Variants in CORIN observed in about 807,000 individuals in gnomAD.
The protein encoded by CORIN is atrial natriuretic peptide-converting enzyme.
A neutral mutation model predicts 125.3 loss-of-function variants in CORIN; 117 were observed. That is an observed-to-expected ratio of 0.93 (90% CI 0.80 to 1.09). The LOEUF is 1.09. CORIN is among the 50% of genes least tolerant of loss of function. The probability of loss-of-function intolerance (pLI) is 0.00; values close to 1 mark genes in which losing one functional copy is unlikely to be tolerated. For missense variants in CORIN, 1,253 were observed against 1,306.7 expected, an observed-to-expected ratio of 0.96 and a Z score of 0.63; for synonymous variants, 450 against 466.4, an observed-to-expected ratio of 0.96 and a Z score of 0.45.
intron 3 of CORIN, among the ~76,000 whole-genome samples, chr4:47,773,862 G>C (rs571680154): frequency 6.6e-6 from 1 of 151,112 alleles, no homozygotes; most frequent in Admixed American, 6.6e-5. Context: ...AAGATAAAAG[G>C]TATATTTATC....
At chr4:47,771,336 T>A (rs949637985) in intron 3 of CORIN, among the ~76,000 whole-genome samples, 2 of 152,120 alleles carry the variant, frequency 1.3e-5, no homozygotes, top group African/African-American at 4.8e-5. Flanking sequence ...AAAATCAATT[T>A]GAAAGGATAT....
At position 47,802,357 on chromosome 4, in the gene CORIN, G is replaced by T. The variant is rs115757156; in HGVS notation, c.208+4546C>A. Among the ~76,000 whole-genome samples the T allele has an allele frequency of 6.7e-3, 1,025 of 152,260 alleles. 13 individuals are homozygous for T. Among genetic ancestry groups the T allele is most frequent in the African/African-American group, 0.022 (921 of 41,550 alleles). On this transcript the variant is annotated intron_variant, in intron 2 of 21. Transcript: ENST00000273857. ...GCTCTTGGTTAGCATTTCTGGACCT[G>T]CCCTGGGCCAGAGAGGAGTCCACTG...
chr4:47,618,832 G>T (rs888786461), intron 19 of CORIN, among the ~76,000 whole-genome samples: 1 of 149,480 alleles, frequency 6.7e-6, no homozygotes, highest in Non-Finnish European at 1.5e-5. Flanking sequence ...AAAAAAAAAA[G>T]AAAGAAAAAG....
chr4:47,643,146 C>T lies in CORIN; in HGVS notation c.2068G>A (p.Val690Met). The change falls in exon 15 of 22, where the codon GTG becomes ATG. Residue 690 changes from valine to methionine, a missense_variant and splice_region_variant. Transcript: ENST00000273857. ...CSDSSDEWDC[V>M]TLSINVNSSS... Reference sequence around the variant, plus strand: ...CAGATGGCAGAAACAAGTAGCTCACCACAGTCCCATTCATCTGAACTGTCT... The same window carrying T: ...CAGATGGCAGAAACAAGTAGCTCACTACAGTCCCATTCATCTGAACTGTCT... 1 of 1,614,086 alleles carries T rather than the reference C, an allele frequency of 6.2e-7. No individual in the cohort carries two copies. Among genetic ancestry groups the T allele is most frequent in the Non-Finnish European group, 8.5e-7 (1 of 1,179,978 alleles).
At chr4:47,627,454 A>G (rs1199494103) in intron 16 of CORIN, among the ~76,000 whole-genome samples, 5 of 152,254 alleles carry the variant, frequency 3.3e-5, no homozygotes, top group Non-Finnish European at 7.3e-5. Context: ...TGAATGAATT[A>G]TAAACATTTG....
intron 5 of CORIN, among the ~76,000 whole-genome samples, chr4:47,695,219 A>G (rs1188954429): frequency 6.6e-6 from 1 of 152,210 alleles, no homozygotes; most frequent in Non-Finnish European, 1.5e-5. Context: ...TCTGTACAAT[A>G]TCCTCTCTCT....
intron 17 of CORIN, among the ~76,000 whole-genome samples, chr4:47,624,887 A>G (rs993472412): frequency 3.9e-5 from 6 of 152,090 alleles, no homozygotes; most frequent in African/African-American, 1.4e-4. Flanking sequence ...TTGAAAAAAA[A>G]AAATGCAACC....
At chr4:47,780,372 T>C (rs968700556) in intron 3 of CORIN, among the ~76,000 whole-genome samples, 2 of 152,000 alleles carry the variant, frequency 1.3e-5, no homozygotes, top group African/African-American at 4.8e-5. Flanking sequence ...AAATAAAAAC[T>C]TCAATTACAA....
chr4:47,812,612 T>C (rs915871815), intron 1 of CORIN, among the ~76,000 whole-genome samples: 2 of 152,206 alleles, frequency 1.3e-5, no homozygotes, highest in Admixed American at 6.5e-5. Flanking sequence ...TCATAGACTA[T>C]AGGAACCAAC....
At chr4:47,679,906 A>T (rs1335936282) in intron 8 of CORIN, 2 of 389,270 alleles carry the variant, frequency 5.1e-6, no homozygotes, top group South Asian at 3.7e-5. Flanking sequence ...ACTTGGCTAG[A>T]TCAGCCAAAT....
chr4:47,718,052 C>T (rs185569334), intron 5 of CORIN, among the ~76,000 whole-genome samples: 5 of 152,288 alleles, frequency 3.3e-5, no homozygotes, highest in Non-Finnish European at 1.5e-5. Flanking sequence ...ATACAAGTCA[C>T]CAGAGTTCTT....
At chr4:47,667,553 G>A (rs1724535695) in intron 10 of CORIN, among the ~76,000 whole-genome samples, 1 of 152,128 alleles carries the variant, frequency 6.6e-6, no homozygotes, top group Non-Finnish European at 1.5e-5. Context: ...AAATAGATTT[G>A]CAATAAGGAC....
chr4:47,603,426 A>T lies in CORIN; in HGVS notation c.2783T>A (p.Ile928Asn). The T allele has an allele frequency of 6.2e-7, 1 of 1,614,188 alleles. No individual in the cohort carries two copies. The highest frequency in any genetic ancestry group is 8.5e-7 in the Non-Finnish European group (1 of 1,180,034). ...ATTGCCCATGTGGCCCCAGCCTGTG[A>T]TATAGCAGTACGTGTCAGGCTCTAG... ...QWLEPDTYCY[I>N]TGWGHMGNKM... Residue 928 changes from isoleucine (I) to asparagine (N), a missense_variant, in exon 20 of 22, where the codon ATC (isoleucine) becomes AAC (asparagine). Physicochemically the swap from Ile to Asn is moderately radical, Grantham distance 149. Coordinates refer to ENST00000273857, the MANE Select transcript of CORIN (RefSeq NM_006587.4).
At chr4:47,680,639 A>G in intron 7 of CORIN, 1 of 193,226 alleles carries the variant, frequency 5.2e-6, no homozygotes, top group South Asian at 9.7e-5. Flanking sequence ...AGCGGATTTG[A>G]TGTATCTGTA....
intron 10 of CORIN, among the ~76,000 whole-genome samples, chr4:47,673,624 C>A (rs537015340): frequency 2.2e-4 from 33 of 152,234 alleles, no homozygotes; most frequent in African/African-American, 6.7e-4. Flanking sequence ...CTGTCTTCCC[C>A]AAATAACTCC....
At chr4:47,761,621 A>C (rs1275729547) in intron 4 of CORIN, among the ~76,000 whole-genome samples, 1 of 152,202 alleles carries the variant, frequency 6.6e-6, no homozygotes, top group African/African-American at 2.4e-5. Context: ...CAGGCACAGA[A>C]AGACAAATAC....
intron 3 of CORIN, among the ~76,000 whole-genome samples, chr4:47,782,275 C>T (rs1730588754): frequency 6.6e-6 from 1 of 151,688 alleles, no homozygotes; most frequent in African/African-American, 2.4e-5. Flanking sequence ...ATCCCAGCTA[C>T]TCAGGAGACT....
chr4:47,722,870 G>A (rs749312920), intron 5 of CORIN, among the ~76,000 whole-genome samples: 2 of 152,144 alleles, frequency 1.3e-5, no homozygotes, highest in African/African-American at 2.4e-5. Flanking sequence ...ACCAGTAAGC[G>A]GACTAGGAAG....
At chr4:47,599,824 G>A (rs985363817) in intron 21 of CORIN, among the ~76,000 whole-genome samples, 2 of 152,148 alleles carry the variant, frequency 1.3e-5, no homozygotes, top group Non-Finnish European at 2.9e-5. Flanking sequence ...GGCTGACAAT[G>A]TCCTTTCATG....
Sources: gnomAD v4.1 joint callset for allele counts (sites outside exome capture counted in the v4.1 genomes callset) on GRCh38, gnomAD v4.1.1 for gene constraint, MANE v1.5 for transcripts, NCBI Gene and HGNC (gene_info 2026-07-23, HGNC 2026-07-21) for gene names.